The following ADAM9 variants were observed in gnomAD, a reference collection of about 807,000 sequenced individuals.
ADAM9 encodes ADAM metallopeptidase domain 9.
Under a neutral mutation model 108.1 loss-of-function variants are expected in ADAM9, and 54 were observed. The ratio of observed to expected loss-of-function variants is 0.50; its 90% CI spans 0.40 to 0.63. ADAM9 has a LOEUF of 0.63. ADAM9 is among the 20% of genes least tolerant of loss of function. The pLI, the probability that ADAM9 is intolerant of heterozygous loss-of-function variation, is 0.00. For missense variants in ADAM9, 830 were observed against 997.7 expected, an observed-to-expected ratio of 0.83 and a Z score of 2.26; for synonymous variants, 316 against 336.0, an observed-to-expected ratio of 0.94 and a Z score of 0.65.
At chr8:39,026,957 G>GTA in intron 11 of ADAM9, 147 bp downstream of exon 11, 4 of 820,402 alleles carry the variant, frequency 4.9e-6, no homozygotes, top group Non-Finnish European at 7.2e-6. Context: ...CCAATGAGAA[G>GTA]TCTTTTTTTT....
chr8:39,019,008 G>T, intron 7 of ADAM9, 90 bp downstream of exon 7: 1 of 1,241,514 alleles, frequency 8.1e-7, no homozygotes, highest in Non-Finnish European at 1.2e-6. Flanking sequence ...CACATTGTTT[G>T]TATTGATTTT....
At chr8:39,079,777 G>A (rs891901615) in intron 16 of ADAM9, among the ~76,000 whole-genome samples, 14 of 152,058 alleles carry the variant, frequency 9.2e-5, no homozygotes, top group African/African-American at 3.4e-4. Context: ...TAGAGACGGG[G>A]TTTCGCCATA....
intron 20 of ADAM9, among the ~76,000 whole-genome samples, chr8:39,099,237 G>A (rs1338741720): frequency 6.6e-6 from 1 of 152,014 alleles, no homozygotes; most frequent in Non-Finnish European, 1.5e-5. Context: ...TTTATCTATG[G>A]GTCACTGAAA....
rs1344540786 is a variant in ADAM9 at position 39,018,872 on chromosome 8, C to T, written c.626C>T (p.Pro209Leu). Residue 209 changes from proline (P) to leucine (L), a missense_variant, in exon 7 of 22, where the codon CCA becomes CTA. By Grantham distance (98) the Pro-to-Leu change is moderately conservative. Coordinates refer to ENST00000487273, the MANE Select transcript of ADAM9 (RefSeq NM_003816.3). ...TGACAGAGAAGAAGAGCTGTCTTGC[C>T]ACAGACCCGGTATGTGGAGCTGTTC... ...QLLRRRRAVL[P>L]QTRYVELFIV... 4 of 1,613,934 alleles carry T rather than the reference C, an allele frequency of 2.5e-6. No individual in the cohort carries two copies. The East Asian group carries it at 8.9e-5, about 36-fold the overall frequency.
At chr8:39,037,230 T>A (rs1201575541) in intron 11 of ADAM9, among the ~76,000 whole-genome samples, 2 of 149,772 alleles carry the variant, frequency 1.3e-5, no homozygotes, top group Non-Finnish European at 3.0e-5. Flanking sequence ...GCTAATTTTT[T>A]TTTTTTATTT....
chr8:39,021,700 A>G lies in ADAM9; in HGVS notation c.730A>G (p.Asn244Asp). 6.2e-7 allele frequency: 1 copy of G among 1,613,374 alleles called. No individual in the cohort carries two copies. Among genetic ancestry groups the G allele is most frequent in the African/African-American group, 1.3e-5 (1 of 75,030 alleles). Residue 244 changes from asparagine to aspartate, a missense_variant, in exon 8 of 22, where the codon AAC becomes GAC. This residue lies in a region of ADAM9 where 381 missense variants were observed against 539.8 expected (regional missense o/e 0.71). Coordinates refer to ENST00000487273, the MANE Select transcript of ADAM9 (RefSeq NM_003816.3). ...GAGAGAAGAGATGATTCTCCTGGCA[A>G]ACTACTTGGATAGTGTAAGTTGTAT... ...AVREEMILLA[N>D]YLDSMYIMLN... is the part of the protein sequence containing the mutation.
At chr8:39,086,608 T>C (rs1588426096) in intron 18 of ADAM9, among the ~76,000 whole-genome samples, 1 of 152,216 alleles carries the variant, frequency 6.6e-6, no homozygotes, top group Non-Finnish European at 1.5e-5. Flanking sequence ...GGGTAATTTC[T>C]CAGTTTTGAT....
chr8:39,013,368 T>C (rs769215465), intron 3 of ADAM9, among the ~76,000 whole-genome samples: 30 of 98,808 alleles, frequency 3.0e-4, no homozygotes, highest in Non-Finnish European at 5.6e-4. Flanking sequence ...AGGGACATTA[T>C]TTATGTTGTC....
At chr8:39,058,156 A>G (rs1172561246) in intron 14 of ADAM9, among the ~76,000 whole-genome samples, 1 of 152,234 alleles carries the variant, frequency 6.6e-6, no homozygotes, top group Non-Finnish European at 1.5e-5. Context: ...CTTAAATGCT[A>G]TAATATCAAG....
intron 16 of ADAM9, among the ~76,000 whole-genome samples, chr8:39,078,643 TG>T (rs1178872522): frequency 1.3e-5 from 2 of 152,082 alleles, no homozygotes; most frequent in Non-Finnish European, 2.9e-5. Flanking sequence ...CTAGCCAGTG[TG>T]GTGGTGCATG....
chr8:39,076,366 C>A (rs1030319010), intron 15 of ADAM9: 2 of 151,946 alleles, frequency 1.3e-5, no homozygotes, highest in African/African-American at 4.8e-5. Context: ...TGGGGAAGAT[C>A]TGGGACCAAT....
intron 1 of ADAM9, among the ~76,000 whole-genome samples, chr8:39,001,153 ATCCC>A (rs1835980790): frequency 6.6e-6 from 1 of 152,192 alleles, no homozygotes. Context: ...CTAACCTCCC[ATCCC>A]AGCCACTTAA....
intron 12 of ADAM9, among the ~76,000 whole-genome samples, chr8:39,045,350 GTACA>G (rs1193222564): frequency 2.6e-5 from 3 of 115,222 alleles, no homozygotes; most frequent in Non-Finnish European, 3.5e-5. Context: ...ATACATGTGT[GTACA>G]TACATATAGG....
intron 1 of ADAM9, among the ~76,000 whole-genome samples, chr8:39,001,793 G>C (rs1836000621): frequency 1.3e-5 from 2 of 151,772 alleles, no homozygotes; most frequent in Admixed American, 1.3e-4. Context: ...TCAGCCTCCT[G>C]AGTAGCTGGG....
chr8:39,093,401 G>T (rs1363595794), intron 20 of ADAM9, among the ~76,000 whole-genome samples: 1 of 152,008 alleles, frequency 6.6e-6, no homozygotes, highest in Non-Finnish European at 1.5e-5. Flanking sequence ...ATAGCTTGTT[G>T]TAGTGTATAG....
chr8:39,081,136 TG>T (rs1344820466), intron 16 of ADAM9, among the ~76,000 whole-genome samples: 3 of 151,844 alleles, frequency 2.0e-5, no homozygotes, highest in Non-Finnish European at 4.4e-5. Context: ...TTAGTGGAGA[TG>T]GGGGTTTCAC....
rs566530149 is a variant in ADAM9 at position 39,024,670 on chromosome 8, G to T, written c.915-1133G>T. The stretch of plus-strand genomic sequence containing the variant: ...CATTCATTTAAAATATATTTATTGG[G>T]TGTATACCCCAGACACTGGGACATA... On this transcript the variant is annotated intron_variant, in intron 9 of 21. Coordinates refer to ENST00000487273, the MANE Select transcript of ADAM9 (RefSeq NM_003816.3). 5.9e-5 allele frequency among the ~76,000 whole-genome samples: 9 copies of T among 152,116 alleles called. 1 individual carries two copies. The South Asian group carries it at 1.9e-3, about 31-fold the overall frequency.
At chr8:39,048,875 A>T (rs570078303) in intron 12 of ADAM9, among the ~76,000 whole-genome samples, 6 of 151,586 alleles carry the variant, frequency 4.0e-5, no homozygotes, top group Non-Finnish European at 7.4e-5. Flanking sequence ...CTTTTCTTTG[A>T]TACAAATATA....
intron 15 of ADAM9, chr8:39,076,031 T>C (rs1366614604): frequency 6.6e-6 from 1 of 152,214 alleles, no homozygotes; most frequent in African/African-American, 2.4e-5. Context: ...GTTTTAGTGA[T>C]ATATTCAAGG....
Sources: allele counts gnomAD v4.1 joint callset (sites outside exome capture counted in the v4.1 genomes callset), GRCh38; gene constraint gnomAD v4.1.1; regional missense constraint gnomAD v4.1.1; transcripts MANE v1.5; gene names NCBI Gene and HGNC (gene_info 2026-07-23, HGNC 2026-07-21).